The following EXOC4 variants were observed in gnomAD, a reference collection of about 807,000 sequenced individuals.
EXOC4 encodes the protein exocyst complex component 4.
In EXOC4, 71 loss-of-function variants were observed where a neutral mutation model predicts 107.2. The observed-to-expected ratio is 0.66, with a 90% confidence interval of 0.55 to 0.81. The LOEUF (loss-of-function observed/expected upper bound fraction) is 0.81, where lower values mean the gene tolerates loss of function less well. Among genes scored for constraint, EXOC4 ranks in the 30% least tolerant of loss-of-function variants. EXOC4 has a pLI of 0.00. For missense variants in EXOC4, 1,108 were observed against 1,189.6 expected, an observed-to-expected ratio of 0.93 and a Z score of 1.01; for synonymous variants, 456 against 441.2, an observed-to-expected ratio of 1.03 and a Z score of -0.42.
At chr7:133,409,276 CT>C (rs1797301027) in intron 7 of EXOC4, among the ~76,000 whole-genome samples, 2 of 152,142 alleles carry the variant, frequency 1.3e-5, no homozygotes, top group Non-Finnish European at 2.9e-5. Context: ...CAGAATTTAG[CT>C]GTATTAGGTT....
chr7:133,567,156 C>T (rs1009080605), intron 9 of EXOC4, among the ~76,000 whole-genome samples: 5 of 152,104 alleles, frequency 3.3e-5, no homozygotes, highest in Non-Finnish European at 7.4e-5. Flanking sequence ...CCTTAAAACT[C>T]CTCTCCAATA....
At chr7:133,338,838 C>T (rs1235814832) in intron 5 of EXOC4, among the ~76,000 whole-genome samples, 1 of 145,132 alleles carries the variant, frequency 6.9e-6, no homozygotes, top group Non-Finnish European at 1.5e-5. Context: ...ACTGCAACCT[C>T]TGCTTCCCGG....
At chr7:133,809,690 C>T (rs1032947820) in intron 10 of EXOC4, among the ~76,000 whole-genome samples, 5 of 152,148 alleles carry the variant, frequency 3.3e-5, no homozygotes, top group Non-Finnish European at 5.9e-5. Flanking sequence ...TTAATGTGTA[C>T]GTTATTCATC....
chr7:134,096,946 A>G, the EXOC4 span, among the ~76,000 whole-genome samples: 1 of 152,070 alleles, frequency 6.6e-6, no homozygotes, highest in East Asian at 1.9e-4. Context: ...AATATTAACC[A>G]TCACAACTCT....
intron 10 of EXOC4, among the ~76,000 whole-genome samples, chr7:133,631,226 A>G (rs992915841): frequency 6.6e-6 from 1 of 152,144 alleles, no homozygotes; most frequent in African/African-American, 2.4e-5. Context: ...GGTACTTCAG[A>G]ATATCACCTT....
At chr7:133,769,179 T>C (rs1398948517) in intron 10 of EXOC4, among the ~76,000 whole-genome samples, 4 of 152,028 alleles carry the variant, frequency 2.6e-5, no homozygotes, top group African/African-American at 9.7e-5. Context: ...ACAAATAAGT[T>C]GGTTTCCACC....
At chr7:133,827,770 T>G (rs1797733994) in intron 11 of EXOC4, among the ~76,000 whole-genome samples, 1 of 152,186 alleles carries the variant, frequency 6.6e-6, no homozygotes. Context: ...TTAAAAAGAA[T>G]GAACTGGAGG....
intron 10 of EXOC4, among the ~76,000 whole-genome samples, chr7:133,745,339 A>G (rs1795651292): frequency 6.6e-6 from 1 of 152,140 alleles, no homozygotes. Context: ...CTGTTCTTTT[A>G]ATTAATTATA....
chr7:133,409,243 A>G (rs1430397784), intron 7 of EXOC4, among the ~76,000 whole-genome samples: 1 of 152,196 alleles, frequency 6.6e-6, no homozygotes, highest in African/African-American at 2.4e-5. Context: ...GAAAGCTACC[A>G]TTTGATAGTC....
intron 10 of EXOC4, among the ~76,000 whole-genome samples, chr7:133,707,609 T>A (rs188660728): frequency 5.3e-5 from 8 of 152,106 alleles, no homozygotes; most frequent in African/African-American, 1.4e-4. Flanking sequence ...GCCCTTTATT[T>A]TTTATTTATT....
At chr7:133,273,729 C>A (rs1236888816) in intron 1 of EXOC4, among the ~76,000 whole-genome samples, 2 of 152,152 alleles carry the variant, frequency 1.3e-5, no homozygotes, top group Admixed American at 6.5e-5. Context: ...TCAGAGCAGA[C>A]TATTGTACAG....
At chr7:134,005,458 G>A (rs1050880387) in intron 16 of EXOC4, among the ~76,000 whole-genome samples, 5 of 152,228 alleles carry the variant, frequency 3.3e-5, no homozygotes, top group Non-Finnish European at 7.4e-5. Flanking sequence ...ATCACTCATT[G>A]GCTAAAATTA....
At chr7:134,074,406 A>G in the EXOC4 span, among the ~76,000 whole-genome samples, 10 of 152,226 alleles carry the variant, frequency 6.6e-5, no homozygotes, top group African/African-American at 2.2e-4. Context: ...CTCAAGAGCA[A>G]TCCCCAGGTA....
chr7:133,305,686 A>G, intron 3 of EXOC4, among the ~76,000 whole-genome samples, 191 bp from the exon 4 acceptor site: 1 of 152,040 alleles, frequency 6.6e-6, no homozygotes, highest in East Asian at 1.9e-4. Flanking sequence ...CTTTGTCTAG[A>G]TTGTTTTATC....
intron 10 of EXOC4, among the ~76,000 whole-genome samples, chr7:133,740,515 T>G (rs1562978023): frequency 6.6e-6 from 1 of 152,156 alleles, no homozygotes; most frequent in East Asian, 1.9e-4. Flanking sequence ...CTGGAAACAC[T>G]CCAACACTGT....
At chr7:133,672,337 G>A (rs1041384110) in intron 10 of EXOC4, among the ~76,000 whole-genome samples, 3 of 150,366 alleles carry the variant, frequency 2.0e-5, no homozygotes, top group African/African-American at 7.4e-5. Flanking sequence ...CTTGCAGTGA[G>A]CCGAGATCGC....
At chr7:133,605,513 A>T (rs967287216) in intron 9 of EXOC4, among the ~76,000 whole-genome samples, 2 of 152,102 alleles carry the variant, frequency 1.3e-5, no homozygotes, top group African/African-American at 2.4e-5. Flanking sequence ...TGTGGCCTTT[A>T]TTCTGGTTTC....
At position 134,064,537 on chromosome 7, in the gene EXOC4, A is replaced by T; in HGVS notation, c.*9A>T. The stretch of plus-strand genomic sequence containing the variant: ...AGATAACTACCGTTTAGCAGGGCGT[A>T]CTGCGGTTGGTGACGGGGGTCCCCT... On this transcript the variant is annotated 3_prime_UTR_variant, in exon 18 of 18. Coordinates refer to ENST00000253861, the MANE Select transcript of EXOC4 (RefSeq NM_021807.4). The T allele has an allele frequency of 1.3e-6, 2 of 1,551,452 alleles. No individual in the cohort carries two copies. The highest frequency in any genetic ancestry group is 1.8e-6 in the Non-Finnish European group (2 of 1,142,422).
intron 17 of EXOC4, among the ~76,000 whole-genome samples, chr7:134,020,956 A>C (rs1034521276): frequency 6.6e-6 from 1 of 151,522 alleles, no homozygotes; most frequent in Non-Finnish European, 1.5e-5. Flanking sequence ...ACTGCACTCC[A>C]GCCTGGGCGA....
Sources: allele counts gnomAD v4.1 joint callset (sites outside exome capture counted in the v4.1 genomes callset), GRCh38; gene constraint gnomAD v4.1.1; transcripts MANE v1.5; gene names NCBI Gene and HGNC (gene_info 2026-07-23, HGNC 2026-07-21).